The following RUNX1 variants were observed in gnomAD, a reference collection of about 807,000 sequenced individuals.
RUNX1 encodes the protein RUNX family transcription factor 1, also known as runt-related transcription factor 1.
Under a neutral mutation model 42.8 loss-of-function variants are expected in RUNX1, and 19 were observed. The ratio of observed to expected loss-of-function variants is 0.44; its 90% CI spans 0.31 to 0.65. The LOEUF (loss-of-function observed/expected upper bound fraction) is 0.65, where lower values mean the gene tolerates loss of function less well. Ranked by LOEUF, RUNX1 falls within the 30% of genes least tolerant of loss-of-function variation. RUNX1 has a pLI of 0.07. For missense variants in RUNX1, 528 were observed against 672.0 expected (o/e 0.79, Z 2.37); for synonymous variants, 271 against 289.4 (o/e 0.94, Z 0.64).
chr21:34,845,650 G>A (rs1378078612), intron 6 of RUNX1, among the ~76,000 whole-genome samples: 2 of 152,048 alleles, frequency 1.3e-5, no homozygotes, highest in African/African-American at 4.8e-5. Flanking sequence ...ATAAACTGCC[G>A]CAGATTACCC....
In RUNX1 at chr21:34,995,435, C is replaced by CTTTTT. The variant is rs5843694; in HGVS notation, c.58+53402_58+53406dup. On this transcript the variant is annotated intron_variant, in intron 2 of 8. Coordinates refer to ENST00000675419, the MANE Select transcript of RUNX1 (RefSeq NM_001754.5). ...AATAAAGGCTGTTACTTTCTGGGAG[C>CTTTTT]TTTTTTTTTTTTTTTTTTTTTTTGA... Among the ~76,000 whole-genome samples the CTTTTT allele has an allele frequency of 5.4e-4, 44 of 82,088 alleles. 1 individual carries two copies. The highest frequency in any genetic ancestry group is 1.8e-3 in the East Asian group (4 of 2,212). 53.9% of individuals were successfully genotyped at this position (82,088 alleles called of 152,430 possible). A position where few individuals can be genotyped will look rare whatever the true frequency, so the allele number is the denominator to read the frequency against.
chr21:34,954,699 G>A (rs1394456018), intron 2 of RUNX1, among the ~76,000 whole-genome samples: 1 of 152,096 alleles, frequency 6.6e-6, no homozygotes, highest in Non-Finnish European at 1.5e-5. Context: ...TCCCCTCACT[G>A]TAGTGACATT....
intron 2 of RUNX1, among the ~76,000 whole-genome samples, chr21:34,905,059 A>G (rs1432470246): frequency 6.6e-6 from 1 of 152,188 alleles, no homozygotes; most frequent in South Asian, 2.1e-4. Context: ...CTGCGCTGTC[A>G]AATTGAGTCA....
chr21:34,928,971 G>C (rs987017430), intron 2 of RUNX1, among the ~76,000 whole-genome samples: 1 of 146,246 alleles, frequency 6.8e-6, no homozygotes, highest in Non-Finnish European at 1.5e-5. Context: ...TGGGGGGGGG[G>C]GTAGATTTCA....
intron 7 of RUNX1, among the ~76,000 whole-genome samples, chr21:34,828,848 C>G (rs999619724): frequency 2.4e-4 from 37 of 152,172 alleles, no homozygotes; most frequent in Non-Finnish European, 3.2e-4. Flanking sequence ...CTTGGACTTC[C>G]CAGCCTCCAT....
chr21:34,899,814 C>G (rs2058163355), intron 2 of RUNX1, among the ~76,000 whole-genome samples: 1 of 152,176 alleles, frequency 6.6e-6, no homozygotes, highest in South Asian at 2.1e-4. Context: ...TATTACCAGT[C>G]AAATTTCCTT....
chr21:34,888,536 A>G (rs2058031327), intron 3 of RUNX1: 2 of 1,064,578 alleles, frequency 1.9e-6, no homozygotes, highest in Non-Finnish European at 1.1e-6. Context: ...GGAAGGTCCA[A>G]CGCAGGCCAA....
At position 34,792,227 on chromosome 21, in the gene RUNX1, C is replaced by T. The variant is rs2145872953; in HGVS notation, c.1351G>A (p.Asp451Asn). The T allele has an allele frequency of 1.3e-6, 2 of 1,539,878 alleles. No individual in the cohort carries two copies. The highest frequency in any genetic ancestry group is 1.2e-5 in the South Asian group (1 of 84,206). The change falls in exon 9 of 9, where the codon GAC (aspartate) becomes AAC (asparagine). Residue 451 changes from aspartate to asparagine, a missense_variant. By Grantham distance (23) the Asp-to-Asn change is conservative (BLOSUM62 1). This residue lies in a region of RUNX1 where 331 missense variants were observed against 382.5 expected (regional missense o/e 0.87). Transcript: ENST00000675419. The surrounding 1 kb of genome is among the most constrained non-coding windows in gnomAD (Gnocchi z 6.9). Reference protein sequence around the residue: ...LLNPSLPNQSDVVEAEGSHSN... With the variant: ...LLNPSLPNQSNVVEAEGSHSN... ...TGGCTGCCCTCGGCCTCCACCACGTCGCTCTGGTTCGGGAGGCTGGGGTTG... is the reference window on the plus strand; with the variant it reads ...TGGCTGCCCTCGGCCTCCACCACGTTGCTCTGGTTCGGGAGGCTGGGGTTG...
chr21:35,022,895 G>GAATAATAAT (rs71196925), intron 2 of RUNX1, among the ~76,000 whole-genome samples: 4,638 of 144,224 alleles, frequency 0.032, 246 homozygotes, highest in African/African-American at 0.11. Flanking sequence ...TACTCTGTTT[G>GAATAATAAT]AATAATAATA....
chr21:34,857,011 A>G (rs768696114), intron 6 of RUNX1, among the ~76,000 whole-genome samples: 1 of 152,232 alleles, frequency 6.6e-6, no homozygotes, highest in Non-Finnish European at 1.5e-5. Flanking sequence ...CTTGCTTCAC[A>G]GGGCAAATAG....
At chr21:34,797,161 T>C (rs2056541628) in intron 8 of RUNX1, among the ~76,000 whole-genome samples, 1 of 152,226 alleles carries the variant, frequency 6.6e-6, no homozygotes, top group Non-Finnish European at 1.5e-5. Context: ...CAGTCTCCCA[T>C]ACTGTTCTAT....
chr21:34,887,160 C>T (rs1245550373), intron 3 of RUNX1, 64 bp from the exon 4 acceptor site: 1 of 1,564,022 alleles, frequency 6.4e-7, no homozygotes. Flanking sequence ...TCCTACCAGA[C>T]GGCGACAGGG....
chr21:34,826,017 C>G (rs936108821), intron 7 of RUNX1, among the ~76,000 whole-genome samples: 1 of 152,200 alleles, frequency 6.6e-6, no homozygotes, highest in African/African-American at 2.4e-5. Flanking sequence ...GACTTCTGGC[C>G]TCCAGAACTA....
chr21:34,917,108 G>A (rs1183617341), intron 2 of RUNX1, among the ~76,000 whole-genome samples: 1 of 152,136 alleles, frequency 6.6e-6, no homozygotes, highest in African/African-American at 2.4e-5. Context: ...TCTTTCCCAT[G>A]GGCAGGTGGG....
chr21:35,017,543 C>A lies in RUNX1; in HGVS notation c.58+31299G>T, dbSNP rs187158796. ...GGCCAAGGAGACTGAAATGAGGACA[C>A]CTGAGGTCTACTTTTCAGGCTATCT... is the stretch of plus-strand genomic sequence containing the variant. On this transcript the variant is annotated intron_variant, in intron 2 of 8. Transcript: ENST00000675419. Among the ~76,000 whole-genome samples, 3 of 152,244 alleles carry A rather than the reference C, an allele frequency of 2.0e-5. No individual in the cohort carries two copies. In the East Asian group the frequency reaches 5.8e-4, roughly 29 times the overall value.
chr21:34,855,169 G>A (rs1259794988), intron 6 of RUNX1, among the ~76,000 whole-genome samples: 2 of 151,926 alleles, frequency 1.3e-5, no homozygotes, highest in Non-Finnish European at 2.9e-5. Context: ...ATACCACCAG[G>A]ACCAGCCCCC....
At chr21:34,887,302 G>A in intron 3 of RUNX1, 1 of 1,455,926 alleles carries the variant, frequency 6.9e-7, no homozygotes, top group Non-Finnish European at 9.1e-7. Flanking sequence ...GTCCAGGAGG[G>A]GAAAACGTTC....
chr21:34,964,529 A>G (rs2058704934), intron 2 of RUNX1, among the ~76,000 whole-genome samples: 1 of 152,070 alleles, frequency 6.6e-6, no homozygotes. Flanking sequence ...TCAGATGACA[A>G]AGGAAGGTTG....
At chr21:34,957,760 A>C (rs540868372) in intron 2 of RUNX1, among the ~76,000 whole-genome samples, 1 of 152,340 alleles carries the variant, frequency 6.6e-6, no homozygotes, top group South Asian at 2.1e-4. Context: ...TTGTGTTTAT[A>C]AACTGAAGTG....
Sources: gnomAD v4.1 joint callset for allele counts (sites outside exome capture counted in the v4.1 genomes callset) on GRCh38, gnomAD v4.1.1 for gene constraint, gnomAD v4.1.1 regional missense constraint, Gnocchi (gnomAD v3.1) non-coding constraint, MANE v1.5 for transcripts, NCBI Gene and HGNC (gene_info 2026-07-23, HGNC 2026-07-21) for gene names.